The following CPD variants were observed in gnomAD, a reference collection of about 807,000 sequenced individuals.
The protein encoded by CPD is metallocarboxypeptidase D.
In CPD, 69 loss-of-function variants were observed where a neutral mutation model predicts 138.3. That is an observed-to-expected ratio of 0.50 (90% CI 0.41 to 0.61). The LOEUF (loss-of-function observed/expected upper bound fraction) is 0.61. Ranked by LOEUF, CPD falls within the 20% of genes least tolerant of loss-of-function variation. The pLI, the probability that CPD is intolerant of heterozygous loss-of-function variation, is 0.00. For missense variants in CPD, 1,432 were observed against 1,733.3 expected (o/e 0.83, Z 3.09); for synonymous variants, 651 against 642.1 (o/e 1.01, Z -0.21).
At chr17:30,416,678 C>T (rs982262508) in intron 2 of CPD, among the ~76,000 whole-genome samples, 1 of 152,316 alleles carries the variant, frequency 6.6e-6, no homozygotes, top group Non-Finnish European at 1.5e-5. Flanking sequence ...ATGTTCTTCC[C>T]GCTGACTTTT....
chr17:30,446,150 T>C (rs1368178061), intron 12 of CPD, 130 bp downstream of exon 12: 2 of 701,286 alleles, frequency 2.9e-6, no homozygotes, highest in Admixed American at 3.2e-5. Context: ...AGTTTACTTA[T>C]TTTGCAACAT....
intron 14 of CPD, among the ~76,000 whole-genome samples, chr17:30,452,182 G>T (rs1208210289): frequency 6.6e-6 from 1 of 152,090 alleles, no homozygotes; most frequent in Non-Finnish European, 1.5e-5. Flanking sequence ...TTGATTTGGA[G>T]AGCCCTATTT....
rs149745248 is a variant in CPD at position 30,410,288 on chromosome 17, A to G, written c.995-10553A>G. 7.2e-5 allele frequency among the ~76,000 whole-genome samples: 11 copies of G among 152,214 alleles called. 1 individual carries two copies. The highest frequency in any genetic ancestry group is 2.2e-4 in the African/African-American group (9 of 41,514). On this transcript the variant is annotated intron_variant, in intron 2 of 20. Coordinates refer to ENST00000225719, the MANE Select transcript of CPD (RefSeq NM_001304.5). ...TGTTTTACTTCCAATTATGAGGTCA[A>G]TTTTCGCATAAGTGTGATATGATGC...
In CPD at chr17:30,468,351, G is replaced by A. The variant is rs1241539932; in HGVS notation, c.*3537G>A. On this transcript the variant is annotated 3_prime_UTR_variant, in exon 21 of 21. Transcript: ENST00000225719. ...TGCTGGCCATGCTACAGATTTTCTGGAGGTATGACAATAGTATTTTTTTAT... is the reference window on the plus strand; with the variant it reads ...TGCTGGCCATGCTACAGATTTTCTGAAGGTATGACAATAGTATTTTTTTAT... 6.6e-6 allele frequency: 1 copy of A among 152,556 alleles called. No homozygotes were observed. Among genetic ancestry groups the A allele is most frequent in the Non-Finnish European group, 1.5e-5 (1 of 68,004 alleles). 9.5% of individuals were successfully genotyped at this position (152,556 alleles called of 1,614,324 possible).
chr17:30,453,729 C>A lies in CPD; in HGVS notation c.3206-1610C>A, dbSNP rs536065506. 9.8e-5 allele frequency among the ~76,000 whole-genome samples: 15 copies of A among 152,358 alleles called. No homozygotes were observed. The East Asian group carries it at 2.7e-3, about 27-fold the overall frequency. On this transcript the variant is annotated intron_variant, in intron 14 of 20. Transcript: ENST00000225719. ...CCTAGCAGAGGTTCTCCATGAGGGG[C>A]CTGCCCCTGCAGCAAACTTTTGCCT...
At chr17:30,420,227 G>T (rs912579527) in intron 2 of CPD, among the ~76,000 whole-genome samples, 1 of 152,124 alleles carries the variant, frequency 6.6e-6, no homozygotes. Flanking sequence ...AGAATTTATT[G>T]TGTCTTATTT....
At chr17:30,405,177 A>G (rs370865544) in intron 2 of CPD, among the ~76,000 whole-genome samples, 4 of 152,120 alleles carry the variant, frequency 2.6e-5, no homozygotes, top group Non-Finnish European at 4.4e-5. Flanking sequence ...GAGGGCTTCA[A>G]TATTTAAAGG....
At chr17:30,401,673 A>T (rs543830360) in intron 2 of CPD, among the ~76,000 whole-genome samples, 1 of 152,098 alleles carries the variant, frequency 6.6e-6, no homozygotes, top group Admixed American at 6.5e-5. Flanking sequence ...TTTTGTAGAG[A>T]CAGGTTTTCA....
At chr17:30,446,578 A>T (rs1006954891) in intron 12 of CPD, among the ~76,000 whole-genome samples, 1 of 152,176 alleles carries the variant, frequency 6.6e-6, no homozygotes, top group African/African-American at 2.4e-5. Context: ...TCTATCATTG[A>T]TGGACATTTG....
Position 30,420,939 on chromosome 17 carries a change from G to C in CPD, c.1093G>C (p.Glu365Gln), listed in dbSNP as rs1208768711. 4.3e-6 allele frequency: 7 copies of C among 1,613,750 alleles called. No homozygotes were observed. The highest frequency in any genetic ancestry group is 4.2e-6 in the Non-Finnish European group (5 of 1,179,836). The change falls in exon 3 of 21, where the codon GAA (glutamate) becomes CAA (glutamine). Residue 365 changes from glutamate (E) to glutamine (Q), a missense_variant. Physicochemically the swap from Glu to Gln is conservative, Grantham distance 29. Coordinates refer to ENST00000225719, the MANE Select transcript of CPD (RefSeq NM_001304.5). ...KYPPASQLRQEWENNRESLIT... is the reference protein window; with the variant it reads ...KYPPASQLRQQWENNRESLIT... Reference sequence around the variant, plus strand: ...CCCACCTGCTTCACAGCTTCGACAGGAATGGGAGAACAATCGTGAGTCTTT... The same window carrying C: ...CCCACCTGCTTCACAGCTTCGACAGCAATGGGAGAACAATCGTGAGTCTTT...
At chr17:30,453,416 C>G (rs945689147) in intron 14 of CPD, among the ~76,000 whole-genome samples, 1 of 152,208 alleles carries the variant, frequency 6.6e-6, no homozygotes, top group Non-Finnish European at 1.5e-5. Context: ...AAATTTTCTC[C>G]TTTGACTCCA....
Position 30,451,746 on chromosome 17 carries a change from T to A in CPD, c.3105T>A (p.Ser1035=). 1 of 1,614,084 alleles carries A rather than the reference T, an allele frequency of 6.2e-7. No individual in the cohort carries two copies. Among genetic ancestry groups the A allele is most frequent in the South Asian group, 1.1e-5 (1 of 91,074 alleles). ...GGACTAGGATTGTGATTGTCCCTTC[T>A]CTAAATCCAGATGGGCGAGAGAGAG... ...VDRTRIVIVP[S]LNPDGRERAQ... The change falls in exon 14 of 21, where the codon TCT becomes TCA. Residue 1035 remains serine (S), a synonymous_variant. Coordinates refer to ENST00000225719, the MANE Select transcript of CPD (RefSeq NM_001304.5).
At chr17:30,398,276 A>C (rs1443364973) in intron 2 of CPD, among the ~76,000 whole-genome samples, 3 of 152,140 alleles carry the variant, frequency 2.0e-5, no homozygotes, top group African/African-American at 7.2e-5. Flanking sequence ...ATAGAATAAT[A>C]GAAACTCGCT....
chr17:30,412,658 G>T (rs1038467819), intron 2 of CPD, among the ~76,000 whole-genome samples: 1 of 152,146 alleles, frequency 6.6e-6, no homozygotes, highest in African/African-American at 2.4e-5. Context: ...AGTGAATAAG[G>T]CTTCGTGGGT....
In CPD at chr17:30,427,507, A is replaced by G. The variant is rs778525124; in HGVS notation, c.1966A>G (p.Met656Val). Residue 656 changes from methionine to valine, a missense_variant, in exon 7 of 21, where the codon ATG becomes GTG. This residue lies in a region of CPD where 297 missense variants were observed against 405.3 expected (regional missense o/e 0.73). Coordinates refer to ENST00000225719, the MANE Select transcript of CPD (RefSeq NM_001304.5). ...DPTQPETIAV[M>V]SWMKSYPFVL... The stretch of plus-strand genomic sequence containing the variant: ...TACGCAACCAGAAACTATTGCTGTA[A>G]TGAGCTGGATGAAGTCCTATCCATT... The G allele has an allele frequency of 6.2e-7, 1 of 1,614,146 alleles. No individual in the cohort carries two copies. The highest frequency in any genetic ancestry group is 1.7e-5 in the Admixed American group (1 of 60,012).
rs970478105 is a variant in CPD at position 30,465,653 on chromosome 17, G to A, written c.*839G>A. 1 of 152,580 alleles carries A rather than the reference G, an allele frequency of 6.6e-6. No individual in the cohort carries two copies. Among genetic ancestry groups the A allele is most frequent in the Non-Finnish European group, 1.5e-5 (1 of 68,002 alleles). 9.5% of individuals were successfully genotyped at this position (152,580 alleles called of 1,614,324 possible). Reference sequence around the variant, plus strand: ...ATCTGTGAAGCACTAGCTTATTCTAGGAATGCCTGATTCTTTAATATTGCC... The same window carrying A: ...ATCTGTGAAGCACTAGCTTATTCTAAGAATGCCTGATTCTTTAATATTGCC... On this transcript the variant is annotated 3_prime_UTR_variant, in exon 21 of 21. Transcript: ENST00000225719.
At chr17:30,451,624 T>C in intron 13 of CPD, 87 bp from the exon 14 acceptor site, 2 of 1,207,746 alleles carry the variant, frequency 1.7e-6, no homozygotes, top group Middle Eastern at 4.0e-4. Flanking sequence ...ATGTGTAGAA[T>C]AAACAGACTT....
intron 20 of CPD, among the ~76,000 whole-genome samples, chr17:30,463,168 C>G (rs1913538227): frequency 6.6e-6 from 1 of 152,202 alleles, no homozygotes; most frequent in African/African-American, 2.4e-5. Flanking sequence ...CAACACTTCT[C>G]TTTCTTCAGG....
At chr17:30,433,658 C>A (rs1347994842) in intron 8 of CPD, among the ~76,000 whole-genome samples, 3 of 152,224 alleles carry the variant, frequency 2.0e-5, no homozygotes, top group Non-Finnish European at 4.4e-5. Flanking sequence ...AACCCTCAGT[C>A]CTACATGGCA....
Sources: allele counts gnomAD v4.1 joint callset (sites outside exome capture counted in the v4.1 genomes callset), GRCh38; gene constraint gnomAD v4.1.1; regional missense constraint gnomAD v4.1.1; transcripts MANE v1.5; gene names NCBI Gene and HGNC (gene_info 2026-07-23, HGNC 2026-07-21).